The following SNW1 variants were observed in gnomAD, a reference collection of about 807,000 sequenced individuals.
SNW1 encodes the protein SNW domain containing 1, also known as SNW domain-containing protein 1.
Under a neutral mutation model 75.6 loss-of-function variants are expected in SNW1, and 9 were observed. The ratio of observed to expected loss-of-function variants is 0.12; its 90% CI spans 0.07 to 0.21. The LOEUF is 0.21. SNW1 is among the 10% of genes least tolerant of loss of function. The pLI, the probability that SNW1 is intolerant of heterozygous loss-of-function variation, is 1.00. For synonymous variants in SNW1, 200 were observed against 219.1 expected (o/e 0.91, Z 0.77); for missense variants, 409 against 670.9 (o/e 0.61, Z 4.31).
At chr14:77,742,774 G>T (rs2080728674) in intron 3 of SNW1, among the ~76,000 whole-genome samples, 1 of 151,388 alleles carries the variant, frequency 6.6e-6, no homozygotes, top group Non-Finnish European at 1.5e-5. Context: ...ATATTGCCCA[G>T]GCTAGTCTCA....
At chr14:77,739,461 T>G (rs72687215) in intron 3 of SNW1, among the ~76,000 whole-genome samples, 4,101 of 152,158 alleles carry the variant, frequency 0.027, 83 homozygotes, top group Middle Eastern at 0.061. Context: ...ACCAAATAAT[T>G]TCCAAATTCA....
intron 11 of SNW1, among the ~76,000 whole-genome samples, chr14:77,722,051 T>A (rs1442360338): frequency 6.6e-6 from 1 of 152,142 alleles, no homozygotes; most frequent in African/African-American, 2.4e-5. Context: ...CCCGGCCTCT[T>A]TTTTGTGTTT....
intron 3 of SNW1, among the ~76,000 whole-genome samples, chr14:77,742,066 T>C (rs920236375): frequency 3.9e-5 from 6 of 151,982 alleles, no homozygotes; most frequent in African/African-American, 1.2e-4. Flanking sequence ...AGTCTTGCTC[T>C]TGTTGCCCAA....
At position 77,740,135 on chromosome 14, in the gene SNW1, TA is replaced by T. The variant is rs1170373918; in HGVS notation, c.331-1075del. On this transcript the variant is annotated intron_variant, in intron 3 of 13. Transcript: ENST00000261531. ...GGTGACAGAGCAAGACACTGTATAT[TA>T]AAAAAAAAAAAAAAAAAAAAAAGAG... Among the ~76,000 whole-genome samples the T allele has an allele frequency of 2.8e-3, 180 of 65,198 alleles. 1 individual carries two copies. Among genetic ancestry groups the T allele is most frequent in the African/African-American group, 8.4e-3 (152 of 18,160 alleles). The allele number at this position is 65,198 out of a possible 152,430, so 42.8% of individuals were successfully genotyped here. A position where few individuals can be genotyped will look rare whatever the true frequency, so the allele number is the denominator to read the frequency against.
intron 3 of SNW1, among the ~76,000 whole-genome samples, chr14:77,749,360 AAGTG>A (rs1306189405): frequency 6.6e-6 from 1 of 152,220 alleles, no homozygotes; most frequent in Non-Finnish European, 1.5e-5. Flanking sequence ...AGTGAAAGGA[AAGTG>A]AAGAAACAGG....
At chr14:77,726,185 T>C (rs1055250061) in intron 10 of SNW1, among the ~76,000 whole-genome samples, 17 of 152,204 alleles carry the variant, frequency 1.1e-4, no homozygotes, top group African/African-American at 3.9e-4. Flanking sequence ...TCATTGGTAT[T>C]TTGATAGGGA....
At chr14:77,733,880 T>C (rs2080648190) in intron 8 of SNW1, 1 of 405,706 alleles carries the variant, frequency 2.5e-6, no homozygotes. Flanking sequence ...TATGTAACTT[T>C]CAGGCTTAGC....
intron 11 of SNW1, among the ~76,000 whole-genome samples, chr14:77,721,559 AG>A (rs1287122004): frequency 6.6e-6 from 1 of 152,166 alleles, no homozygotes; most frequent in Admixed American, 6.5e-5. Context: ...TTTACAACTT[AG>A]GAATTACTAA....
chr14:77,725,970 CTA>C lies in SNW1; in HGVS notation c.1034-2695_1034-2694del, dbSNP rs562416907. On this transcript the variant is annotated intron_variant, in intron 10 of 13. Transcript: ENST00000261531. ...GCCGATCCATTTATTTCTGGGTTCT[CTA>C]TTCTGTTCCACTGGTCTATGTGTCT... 1.7e-3 allele frequency among the ~76,000 whole-genome samples: 259 copies of C among 152,268 alleles called. 1 individual carries two copies. Among genetic ancestry groups the C allele is most frequent in the African/African-American group, 5.9e-3 (245 of 41,554 alleles).
intron 3 of SNW1, among the ~76,000 whole-genome samples, chr14:77,747,532 C>T (rs1339405236): frequency 1.3e-5 from 2 of 151,714 alleles, no homozygotes; most frequent in Admixed American, 6.6e-5. Context: ...CCCCGCCGCC[C>T]GGTCTGGGAT....
At chr14:77,724,950 A>C (rs1443426268) in intron 10 of SNW1, among the ~76,000 whole-genome samples, 1 of 152,168 alleles carries the variant, frequency 6.6e-6, no homozygotes, top group East Asian at 1.9e-4. Context: ...TGGCTGTACT[A>C]ATTTATATTC....
intron 4 of SNW1, 22 bp downstream of exon 4, chr14:77,738,944 G>A (rs753372064): frequency 1.3e-5 from 21 of 1,609,178 alleles, no homozygotes; most frequent in Admixed American, 6.7e-5. Flanking sequence ...AATAGTCATC[G>A]AATATATCAA....
intron 8 of SNW1, among the ~76,000 whole-genome samples, chr14:77,733,742 CAAAAAAAAAAAAAA>C (rs35483765): frequency 7.7e-5 from 5 of 64,850 alleles, no homozygotes; most frequent in East Asian, 5.5e-4. Context: ...GAGACCGTCT[CAAAAAAAAAAAAAA>C]AAAAAAAAAA....
At chr14:77,746,481 T>C (rs2139922924) in intron 3 of SNW1, among the ~76,000 whole-genome samples, 1 of 152,316 alleles carries the variant, frequency 6.6e-6, no homozygotes, top group Admixed American at 6.5e-5. Flanking sequence ...CTAGAATAAT[T>C]GCTGAGCAGA....
At chr14:77,752,232 T>C (rs2080814798) in intron 2 of SNW1, among the ~76,000 whole-genome samples, 1 of 152,224 alleles carries the variant, frequency 6.6e-6, no homozygotes, top group Non-Finnish European at 1.5e-5. Context: ...ATTTATTCAT[T>C]GTTATGTGAG....
intron 11 of SNW1, chr14:77,722,934 T>C (rs377259203): frequency 2.5e-6 from 1 of 394,924 alleles, no homozygotes; most frequent in Non-Finnish European, 4.7e-6. Flanking sequence ...AAGCTCCACC[T>C]CCCGGGTTCA....
chr14:77,757,875 G>C (rs555992394), intron 1 of SNW1, among the ~76,000 whole-genome samples: 148 of 152,150 alleles, frequency 9.7e-4, no homozygotes, highest in Non-Finnish European at 1.8e-3. Context: ...GCCATCTCAG[G>C]ATCTTTACAT....
chr14:77,727,131 G>A (rs1204757712), intron 10 of SNW1, among the ~76,000 whole-genome samples: 1 of 152,024 alleles, frequency 6.6e-6, no homozygotes, highest in Non-Finnish European at 1.5e-5. Flanking sequence ...TCAGCTCGCT[G>A]TAACCTCTGC....
intron 3 of SNW1, among the ~76,000 whole-genome samples, chr14:77,741,956 A>G (rs2080722515): frequency 6.6e-6 from 1 of 152,096 alleles, no homozygotes; most frequent in Non-Finnish European, 1.5e-5. Context: ...CATCAATAAG[A>G]TTCTAGTATC....
Sources: allele counts gnomAD v4.1 joint callset (sites outside exome capture counted in the v4.1 genomes callset), GRCh38; gene constraint gnomAD v4.1.1; transcripts MANE v1.5; gene names NCBI Gene and HGNC (gene_info 2026-07-23, HGNC 2026-07-21).